The following NRG4 variants were observed in gnomAD, a reference collection of about 807,000 sequenced individuals.
NRG4 encodes the protein neuregulin 4, also known as pro-neuregulin-4, membrane-bound isoform.
Under a neutral mutation model 15.0 loss-of-function variants are expected in NRG4, and 10 were observed. That is an observed-to-expected ratio of 0.67 (90% CI 0.41 to 1.13). The LOEUF is 1.13. Among genes scored for constraint, NRG4 ranks in the 50% most tolerant of loss-of-function variants. The pLI, the probability that NRG4 is intolerant of heterozygous loss-of-function variation, is 0.00. For synonymous variants in NRG4, 41 were observed against 50.1 expected, an observed-to-expected ratio of 0.82 and a Z score of 0.77; for missense variants, 139 against 140.2, an observed-to-expected ratio of 0.99 and a Z score of 0.04.
intron 3 of NRG4, among the ~76,000 whole-genome samples, chr15:75,972,434 AG>A (rs2033141761): frequency 6.6e-6 from 1 of 152,190 alleles, no homozygotes; most frequent in Non-Finnish European, 1.5e-5. Flanking sequence ...TTAGTCACGA[AG>A]TCTTTGCCCA....
chr15:76,044,249 G>A (rs565737343), intron 4 of NRG4, among the ~76,000 whole-genome samples: 2,077 of 149,896 alleles, frequency 0.014, 131 homozygotes, highest in African/African-American at 0.048. Flanking sequence ...TGATCCACCC[G>A]CCTCGGCCTC....
intron 3 of NRG4, among the ~76,000 whole-genome samples, chr15:75,989,548 T>C (rs757101640): frequency 1.4e-4 from 22 of 152,242 alleles, no homozygotes; most frequent in Non-Finnish European, 2.8e-4. Flanking sequence ...TTTATTGCTA[T>C]GGCATTAATT....
chr15:76,057,747 A>G (rs1275662949), intron 1 of NRG4, among the ~76,000 whole-genome samples: 1 of 152,092 alleles, frequency 6.6e-6, no homozygotes, highest in Non-Finnish European at 1.5e-5. Context: ...GACAAAACCC[A>G]GAACACTTAA....
chr15:76,031,926 G>A (rs1482313296), intron 5 of NRG4, among the ~76,000 whole-genome samples: 1 of 152,154 alleles, frequency 6.6e-6, no homozygotes, highest in Non-Finnish European at 1.5e-5. Context: ...ACAGATAAAT[G>A]CTTTCAATGG....
intron 3 of NRG4, among the ~76,000 whole-genome samples, chr15:75,965,176 G>C (rs1220376017): frequency 1.3e-5 from 2 of 152,040 alleles, no homozygotes; most frequent in Admixed American, 6.5e-5. Context: ...AGTGAGCCGA[G>C]ATCGGGCCAC....
chr15:75,994,268 A>C (rs547896272), intron 3 of NRG4, among the ~76,000 whole-genome samples: 1 of 152,182 alleles, frequency 6.6e-6, no homozygotes, highest in African/African-American at 2.4e-5. Flanking sequence ...TATGCATACA[A>C]ATTCAAGGCC....
At chr15:76,026,299 G>T (rs2035314094) in intron 5 of NRG4, among the ~76,000 whole-genome samples, 1 of 152,076 alleles carries the variant, frequency 6.6e-6, no homozygotes, top group African/African-American at 2.4e-5. Flanking sequence ...CAAGAGAAAA[G>T]AATTAAGTCA....
At chr15:75,944,902 A>C (rs1174948120) in intron 5 of NRG4, among the ~76,000 whole-genome samples, 1 of 152,116 alleles carries the variant, frequency 6.6e-6, no homozygotes, top group Non-Finnish European at 1.5e-5. Context: ...AACCTTTGTT[A>C]TGATGTCTTT....
At chr15:75,999,579 G>T (rs898966386) in intron 3 of NRG4, among the ~76,000 whole-genome samples, 4 of 152,120 alleles carry the variant, frequency 2.6e-5, no homozygotes, top group African/African-American at 9.7e-5. Flanking sequence ...CCAAAAGCTG[G>T]TGCCTTGATC....
chr15:76,002,315 CAA>C (rs1443123486), intron 3 of NRG4, among the ~76,000 whole-genome samples: 2 of 151,016 alleles, frequency 1.3e-5, no homozygotes, highest in Non-Finnish European at 1.5e-5. Context: ...GATAATTACT[CAA>C]AGAGTAATAT....
intron 3 of NRG4, among the ~76,000 whole-genome samples, chr15:75,997,940 T>C (rs1435704302): frequency 3.3e-5 from 5 of 152,224 alleles, no homozygotes; most frequent in Non-Finnish European, 5.9e-5. Context: ...GAGGACCACA[T>C]AGTTATTGGA....
chr15:75,979,696 G>A (rs1416507851), intron 3 of NRG4, among the ~76,000 whole-genome samples: 2 of 152,016 alleles, frequency 1.3e-5, no homozygotes, highest in East Asian at 3.8e-4. Flanking sequence ...TATATTAAGA[G>A]CTTAACTTGA....
chr15:75,991,820 C>G (rs560711533), intron 3 of NRG4, among the ~76,000 whole-genome samples: 15 of 152,050 alleles, frequency 9.9e-5, no homozygotes, highest in African/African-American at 3.4e-4. Flanking sequence ...CTGTCTCACT[C>G]TCTCTTTCAA....
At chr15:76,014,838 G>T (rs907090787), upstream of NRG4, among the ~76,000 whole-genome samples, 1 of 152,204 alleles carries the variant, frequency 6.6e-6, no homozygotes, top group East Asian at 1.9e-4. Flanking sequence ...CTCTTTTTTG[G>T]TTCCACATAA....
intron 3 of NRG4, among the ~76,000 whole-genome samples, chr15:75,969,833 C>T (rs934632234): frequency 2.6e-5 from 4 of 152,258 alleles, no homozygotes; most frequent in African/African-American, 7.2e-5. Flanking sequence ...AAATGCATAG[C>T]TAAACAGAGG....
intron 2 of NRG4, among the ~76,000 whole-genome samples, chr15:76,009,598 C>T (rs1258417086): frequency 6.6e-6 from 1 of 152,092 alleles, no homozygotes; most frequent in Non-Finnish European, 1.5e-5. Flanking sequence ...CATCTTAGAA[C>T]AAACAGGGCC....
intron 3 of NRG4, among the ~76,000 whole-genome samples, chr15:76,003,869 G>A (rs1567104154): frequency 6.6e-6 from 1 of 152,064 alleles, no homozygotes; most frequent in Non-Finnish European, 1.5e-5. Context: ...GAGTTTTTAA[G>A]GCATTCCGAG....
chr15:76,021,407 G>A (rs1372913443), intron 5 of NRG4, among the ~76,000 whole-genome samples: 1 of 152,160 alleles, frequency 6.6e-6, no homozygotes, highest in African/African-American at 2.4e-5. Flanking sequence ...ATAGGCTATA[G>A]TATAAACATA....
intron 3 of NRG4, among the ~76,000 whole-genome samples, chr15:75,990,705 G>C (rs1390362150): frequency 2.1e-5 from 3 of 139,848 alleles, no homozygotes; most frequent in Admixed American, 1.5e-4. Context: ...TTTTGAGACA[G>C]GGTCTATGCT....
Sources: gnomAD v4.1 joint callset for allele counts (sites outside exome capture counted in the v4.1 genomes callset) on GRCh38, gnomAD v4.1.1 for gene constraint, MANE v1.5 for transcripts, NCBI Gene and HGNC (gene_info 2026-07-23, HGNC 2026-07-21) for gene names.